PTH2R: variants seen among roughly 807,000 people sequenced by gnomAD.
PTH2R encodes the protein parathyroid hormone 2 receptor.
In PTH2R, 59 loss-of-function variants were observed where a neutral mutation model predicts 60.3. That is an observed-to-expected ratio of 0.98 (90% CI 0.79 to 1.22). The LOEUF (loss-of-function observed/expected upper bound fraction) is 1.22, where lower values mean the gene tolerates loss of function less well. PTH2R is among the 50% of genes most tolerant of loss of function. The pLI is 0.00. For missense variants in PTH2R, 749 were observed against 682.6 expected (o/e 1.10, Z -1.08); for synonymous variants, 256 against 243.8 (o/e 1.05, Z -0.47).
chr2:208,362,522 A>G lies in PTH2R; in HGVS notation c.-259+2285A>G, dbSNP rs1700496438. On this transcript the variant is annotated intron_variant, in intron 1 of 12. Coordinates refer to the PTH2R transcript ENST00000617735. ...TGTCTCATGATATCTATATAGATAT[A>G]TCTATATCATAGATGCAGAGATATC... 2.0e-5 allele frequency among the ~76,000 whole-genome samples: 3 copies of G among 152,170 alleles called. No individual in the cohort carries two copies. In the South Asian group the frequency reaches 6.2e-4, roughly 31 times the overall value.
chr2:208,367,981 G>A (rs762479913), intron 1 of PTH2R, among the ~76,000 whole-genome samples: 36 of 150,830 alleles, frequency 2.4e-4, no homozygotes, highest in Admixed American at 9.3e-4. Flanking sequence ...TCAAAAACTC[G>A]TCCCAAAATG....
Position 208,359,910 on chromosome 2 carries a change from C to T in PTH2R, c.-586C>T, listed in dbSNP as rs1171987408. The T allele has an allele frequency of 5.4e-5, 12 of 224,026 alleles. 1 individual carries two copies. Among genetic ancestry groups the T allele is most frequent in the South Asian group, 1.0e-4 (2 of 19,684 alleles). The allele number at this position is 224,026 out of a possible 1,614,324, so 13.9% of individuals were successfully genotyped here. On this transcript the variant is annotated 5_prime_UTR_variant, in exon 1 of 13. Transcript: ENST00000617735. ...CTGGTGGCCAGCTGCGCAGGGAGAC[C>T]GGGAGGTGGCAGATCTGCGGGGCGC...
chr2:208,471,107 G>T (rs914317169), intron 9 of PTH2R, among the ~76,000 whole-genome samples: 1 of 152,182 alleles, frequency 6.6e-6, no homozygotes, highest in South Asian at 2.1e-4. Flanking sequence ...GGTGACTTGG[G>T]TGCTGTTAAA....
intron 1 of PTH2R, among the ~76,000 whole-genome samples, chr2:208,387,491 G>C (rs999982112): frequency 6.6e-6 from 1 of 152,118 alleles, no homozygotes; most frequent in Non-Finnish European, 1.5e-5. Context: ...GTCCCCAAAT[G>C]CCTAATCACT....
At position 208,415,169 on chromosome 2, in the gene PTH2R, C is replaced by G. The variant is rs915680224; in HGVS notation, c.75+8051C>G. On this transcript the variant is annotated intron_variant, in intron 1 of 12. Transcript: ENST00000272847. ...TCATTAATTATGACAAATATACCTA[C>G]TAATCTAAGATTTTAATAAGGGGAA... Among the ~76,000 whole-genome samples, 3 of 152,056 alleles carry G rather than the reference C, an allele frequency of 2.0e-5. No homozygotes were observed. The East Asian group carries it at 5.8e-4, about 29-fold the overall frequency.
At chr2:208,475,678 G>A (rs908523140) in intron 9 of PTH2R, among the ~76,000 whole-genome samples, 54 of 152,278 alleles carry the variant, frequency 3.5e-4, no homozygotes, top group Admixed American at 2.9e-3. Flanking sequence ...CTGACACCTT[G>A]TGGTTTGCAT....
At chr2:208,441,954 A>C (rs1193079752) in intron 4 of PTH2R, among the ~76,000 whole-genome samples, 1 of 152,224 alleles carries the variant, frequency 6.6e-6, no homozygotes, top group Non-Finnish European at 1.5e-5. Flanking sequence ...AAATAATTGA[A>C]AAGGAATGAA....
intron 1 of PTH2R, among the ~76,000 whole-genome samples, chr2:208,407,768 A>T (rs1273724182): frequency 6.6e-6 from 1 of 152,132 alleles, no homozygotes; most frequent in Non-Finnish European, 1.5e-5. Flanking sequence ...TTTGAGTCAA[A>T]TCAAATGTAG....
At chr2:208,403,774 T>C (rs1452535109), upstream of PTH2R, among the ~76,000 whole-genome samples, 1 of 152,162 alleles carries the variant, frequency 6.6e-6, no homozygotes, top group Non-Finnish European at 1.5e-5. Flanking sequence ...ACATGGCTCA[T>C]TCATAGGGCT....
At chr2:208,390,236 C>G (rs999934135) in intron 1 of PTH2R, among the ~76,000 whole-genome samples, 2 of 152,200 alleles carry the variant, frequency 1.3e-5, no homozygotes, top group Non-Finnish European at 2.9e-5. Context: ...ATTACTTGGT[C>G]AATTTTTCCC....
intron 2 of PTH2R, among the ~76,000 whole-genome samples, chr2:208,436,010 A>G (rs1053068854): frequency 6.6e-6 from 1 of 152,210 alleles, no homozygotes; most frequent in African/African-American, 2.4e-5. Flanking sequence ...CTGCAAGAGC[A>G]CAGAGAGTTG....
chr2:208,382,669 C>G (rs1265807788), intron 1 of PTH2R, among the ~76,000 whole-genome samples: 1 of 152,182 alleles, frequency 6.6e-6, no homozygotes, highest in East Asian at 1.9e-4. Context: ...TTTTTGGACC[C>G]TTTTCTGCTC....
chr2:208,484,398 C>G (rs1459200020), intron 10 of PTH2R, among the ~76,000 whole-genome samples: 1 of 152,148 alleles, frequency 6.6e-6, no homozygotes, highest in Non-Finnish European at 1.5e-5. Context: ...ACAGAGAGAT[C>G]CCATATATCC....
chr2:208,387,140 C>T (rs1196843877), intron 1 of PTH2R, among the ~76,000 whole-genome samples: 1 of 152,070 alleles, frequency 6.6e-6, no homozygotes, highest in African/African-American at 2.4e-5. Flanking sequence ...ACGATCACCC[C>T]ATAATTGTAT....
chr2:208,444,825 TC>T lies in PTH2R; in HGVS notation c.792del (p.Ile265SerfsTer17). On this transcript the variant is annotated frameshift_variant, in exon 7 of 13. Transcript: ENST00000272847. LOFTEE classifies it high-confidence loss of function. The part of the protein sequence containing the change: ...ILVEGLYLHN[L>X]IFVAFFSDTK... The stretch of plus-strand genomic sequence containing the variant: ...GTGGAAGGTCTCTACCTGCATAATC[TC>T]ATCTTTGTGGCTTTCTTTTCGGACA... 6.2e-7 allele frequency: 1 copy of T among 1,614,042 alleles called. No homozygotes were observed. The highest frequency in any genetic ancestry group is 8.5e-7 in the Non-Finnish European group (1 of 1,179,924).
intron 9 of PTH2R, among the ~76,000 whole-genome samples, chr2:208,469,642 A>G (rs1390149955): frequency 6.6e-6 from 1 of 152,198 alleles, no homozygotes; most frequent in African/African-American, 2.4e-5. Flanking sequence ...GTTTTGTTAA[A>G]GTGTGTTAAA....
chr2:208,400,210 G>C (rs1377805860), intron 1 of PTH2R, among the ~76,000 whole-genome samples: 1 of 152,108 alleles, frequency 6.6e-6, no homozygotes, highest in Non-Finnish European at 1.5e-5. Flanking sequence ...TAGAGTACTT[G>C]TTTATTGAAA....
At chr2:208,488,955 G>A in intron 10 of PTH2R, 57 bp from the exon 11 acceptor site, 2 of 1,597,982 alleles carry the variant, frequency 1.3e-6, no homozygotes, top group Admixed American at 1.7e-5. Context: ...CCAGCACGCT[G>A]TCTTTACTGA....
At chr2:208,479,890 G>T (rs1397258334) in intron 9 of PTH2R, among the ~76,000 whole-genome samples, 1 of 152,198 alleles carries the variant, frequency 6.6e-6, no homozygotes, top group Non-Finnish European at 1.5e-5. Context: ...TTCATGTAAG[G>T]TTTTAAATTA....
Sources: gnomAD v4.1 joint callset for allele counts (sites outside exome capture counted in the v4.1 genomes callset) on GRCh38, gnomAD v4.1.1 for gene constraint, MANE v1.5 for transcripts, NCBI Gene and HGNC (gene_info 2026-07-23, HGNC 2026-07-21) for gene names.